Variants in ERC1 observed in about 807,000 individuals in gnomAD.
ERC1 encodes RAB6 interacting protein 2.
A neutral mutation model predicts 132.0 loss-of-function variants in ERC1; 56 were observed. That is an observed-to-expected ratio of 0.42 (90% CI 0.34 to 0.53). The LOEUF (loss-of-function observed/expected upper bound fraction) is 0.53. ERC1 is among the 20% of genes least tolerant of loss of function. The pLI, the probability that ERC1 is intolerant of heterozygous loss-of-function variation, is 0.03. For synonymous variants in ERC1, 478 were observed against 476.1 expected (o/e 1.00, Z -0.05); for missense variants, 1,202 against 1,349.9 (o/e 0.89, Z 1.72).
At chr12:1,411,099 C>G (rs980435906) in intron 17 of ERC1, among the ~76,000 whole-genome samples, 1 of 152,024 alleles carries the variant, frequency 6.6e-6, no homozygotes, top group Non-Finnish European at 1.5e-5. Context: ...ATTCTTTTCC[C>G]TCCCTTTTCA....
chr12:1,368,899 G>C (rs909273555), intron 15 of ERC1, among the ~76,000 whole-genome samples: 2 of 152,026 alleles, frequency 1.3e-5, no homozygotes, highest in Non-Finnish European at 2.9e-5. Flanking sequence ...GCCCTTCTTA[G>C]GCACCTATAC....
chr12:1,277,364 A>G (rs2078344807), intron 14 of ERC1, among the ~76,000 whole-genome samples: 3 of 152,210 alleles, frequency 2.0e-5, no homozygotes. Context: ...AGTGGGACTG[A>G]TGCTTCTGAT....
chr12:1,448,213 T>C (rs899882083), intron 18 of ERC1, among the ~76,000 whole-genome samples: 2 of 152,218 alleles, frequency 1.3e-5, no homozygotes, highest in Admixed American at 1.3e-4. Flanking sequence ...AATATTGTCA[T>C]GTTTCCCTTT....
intron 1 of ERC1, among the ~76,000 whole-genome samples, chr12:1,007,536 C>CTG (rs1422285139): frequency 1.1e-4 from 7 of 61,308 alleles, no homozygotes; most frequent in South Asian, 6.8e-4. Flanking sequence ...CTCTCTCTCT[C>CTG]TCTCTGTGTG....
chr12:1,069,213 C>T (rs1268417802), intron 2 of ERC1, among the ~76,000 whole-genome samples: 1 of 151,972 alleles, frequency 6.6e-6, no homozygotes, highest in East Asian at 1.9e-4. Flanking sequence ...ATCATTTATA[C>T]CAAAAGTTAG....
chr12:1,033,244 G>A (rs1383226853), intron 2 of ERC1, among the ~76,000 whole-genome samples: 3 of 151,988 alleles, frequency 2.0e-5, no homozygotes, highest in East Asian at 1.9e-4. Context: ...CACTGTGTTA[G>A]CCAGGATGGT....
chr12:1,385,147 G>C (rs1315791456), intron 16 of ERC1, among the ~76,000 whole-genome samples: 1 of 152,212 alleles, frequency 6.6e-6, no homozygotes, highest in African/African-American at 2.4e-5. Flanking sequence ...TGAAGCCAGT[G>C]AAAGGACACA....
At chr12:1,357,229 T>C (rs1016549717) in intron 15 of ERC1, among the ~76,000 whole-genome samples, 1 of 152,210 alleles carries the variant, frequency 6.6e-6, no homozygotes, top group Admixed American at 6.5e-5. Context: ...TTGATTTTGC[T>C]GGAGGTGGAG....
chr12:1,396,140 T>C (rs1284481331), intron 16 of ERC1, among the ~76,000 whole-genome samples: 1 of 152,212 alleles, frequency 6.6e-6, no homozygotes, highest in Non-Finnish European at 1.5e-5. Context: ...GAAAAAACTG[T>C]GCTAGTTGAG....
rs367962364 is a variant in ERC1, at chr12:1,197,998, T to G, written c.2351+7946T>G. On this transcript the variant is annotated intron_variant, in intron 12 of 18. Transcript: ENST00000360905. The stretch of plus-strand genomic sequence containing the variant: ...TGGAGTGCAGTGGCACTATCACGGC[T>G]CACTGCAGCCTTAACCTCTTGGGCT... 3.9e-5 allele frequency among the ~76,000 whole-genome samples: 6 copies of G among 152,190 alleles called. No individual in the cohort carries two copies. The South Asian group carries it at 1.0e-3, about 26-fold the overall frequency.
chr12:1,274,677 G>C (rs937061628), intron 14 of ERC1, among the ~76,000 whole-genome samples: 1 of 152,014 alleles, frequency 6.6e-6, no homozygotes, highest in Non-Finnish European at 1.5e-5. Context: ...ATTTTTAGTA[G>C]AGATGGGATT....
At chr12:1,210,541 G>A (rs976349773) in intron 12 of ERC1, among the ~76,000 whole-genome samples, 7 of 152,166 alleles carry the variant, frequency 4.6e-5, no homozygotes, top group African/African-American at 1.7e-4. Flanking sequence ...AAGGTGTAGT[G>A]TAATGGGATT....
intron 1 of ERC1, among the ~76,000 whole-genome samples, chr12:1,005,961 CTTT>C (rs10627402): frequency 7.0e-6 from 1 of 142,308 alleles, no homozygotes. Flanking sequence ...ATTCTTATTA[CTTT>C]TTTTTTTTTT....
upstream of ERC1, among the ~76,000 whole-genome samples, chr12:990,827 C>T (rs1157912235): frequency 2.0e-5 from 3 of 151,674 alleles, no homozygotes; most frequent in African/African-American, 4.8e-5. Flanking sequence ...CACGAAGCGG[C>T]TCCTCGGGCT....
rs771646801 is a variant in ERC1 at position 1,122,625 on chromosome 12, G to GTCTCTATCTCTA, written c.1569+6622_1569+6633dup. On this transcript the variant is annotated intron_variant, in intron 7 of 18. Transcript: ENST00000360905. ...TGTCTCTATCTCTATCTCTATCTGT[G>GTCTCTATCTCTA]TCTCTATCTCTATCTCTATCTCTAT... Among the ~76,000 whole-genome samples the GTCTCTATCTCTA allele has an allele frequency of 1.5e-3, 9 of 6,044 alleles. 1 individual carries two copies. Among genetic ancestry groups the GTCTCTATCTCTA allele is most frequent in the African/African-American group, 2.7e-3 (8 of 2,934 alleles). The allele number at this position is 6,044 out of a possible 152,430, so 4.0% of individuals were successfully genotyped here.
intron 15 of ERC1, among the ~76,000 whole-genome samples, chr12:1,327,572 C>A (rs957141658): frequency 1.1e-4 from 17 of 152,308 alleles, no homozygotes; most frequent in African/African-American, 3.6e-4. Context: ...CTCTCCCTTA[C>A]AACTGATGGT....
chr12:1,455,522 T>G (rs183606197), intron 18 of ERC1, among the ~76,000 whole-genome samples: 4 of 152,294 alleles, frequency 2.6e-5, no homozygotes, highest in Middle Eastern at 3.4e-3. Context: ...CGCTTAGAAT[T>G]TCTCCTCATG....
Position 1,290,027 on chromosome 12 carries a change from T to C in ERC1, c.2780+15T>C, listed in dbSNP as rs528478383. On this transcript the variant is annotated intron_variant, in intron 15 of 18. Coordinates refer to ENST00000360905, the MANE Select transcript of ERC1 (RefSeq NM_178040.4). ...CTGGAGATGAAGTAAGTGTTTGTAG[T>C]CTTATTCTTCAAGCATATGCTTAGT... The C allele has an allele frequency of 3.2e-5, 52 of 1,610,048 alleles. No individual in the cohort carries two copies. In the South Asian group the frequency reaches 5.6e-4, roughly 17 times the overall value.
intron 14 of ERC1, among the ~76,000 whole-genome samples, chr12:1,288,507 A>T (rs1481769396): frequency 1.3e-5 from 2 of 152,364 alleles, no homozygotes; most frequent in East Asian, 3.9e-4. Flanking sequence ...AAAAAAATTC[A>T]GGTGCCAAAA....
Sources: gnomAD v4.1 joint callset for allele counts (sites outside exome capture counted in the v4.1 genomes callset) on GRCh38, gnomAD v4.1.1 for gene constraint, MANE v1.5 for transcripts, NCBI Gene and HGNC (gene_info 2026-07-23, HGNC 2026-07-21) for gene names.